Variants in PACS2 observed in about 807,000 individuals in gnomAD.
PACS2 encodes phosphofurin acidic cluster sorting protein 2, also known as PACS1-like protein.
PACS2 carries 36 observed loss-of-function variants against 113.0 expected under a neutral mutation model. The ratio of observed to expected loss-of-function variants is 0.32; its 90% CI spans 0.24 to 0.42. The LOEUF is 0.42. Ranked by LOEUF, PACS2 falls within the 10% of genes least tolerant of loss-of-function variation. The pLI is 1.00. For synonymous variants in PACS2, 589 were observed against 536.1 expected (o/e 1.10, Z -1.36); for missense variants, 1,015 against 1,239.5 (o/e 0.82, Z 2.72).
intron 1 of PACS2, among the ~76,000 whole-genome samples, chr14:105,308,626 G>C (rs779058754): frequency 3.3e-5 from 5 of 151,714 alleles, no homozygotes; most frequent in African/African-American, 1.2e-4. Flanking sequence ...GGGATTACAG[G>C]TATGAGCCAC....
At chr14:105,310,111 C>G (rs1480780837), upstream of PACS2, among the ~76,000 whole-genome samples, 1 of 151,432 alleles carries the variant, frequency 6.6e-6, no homozygotes, top group African/African-American at 2.4e-5. Context: ...ATTTACAATT[C>G]GTGATAGTAG....
At chr14:105,384,689 A>C (rs2081113154) in intron 17 of PACS2, among the ~76,000 whole-genome samples, 190 bp from the exon 18 acceptor site, 1 of 152,286 alleles carries the variant, frequency 6.6e-6, no homozygotes, top group African/African-American at 2.4e-5. Context: ...ACAGCCCTTC[A>C]GGTCTTCCCA....
chr14:105,350,499 C>T (rs1370829642), intron 2 of PACS2, among the ~76,000 whole-genome samples: 5 of 152,304 alleles, frequency 3.3e-5, no homozygotes, highest in Middle Eastern at 3.4e-3. Flanking sequence ...CTCTGTGTAG[C>T]GCATGGACTG....
chr14:105,391,329 C>T (rs2081348034), intron 21 of PACS2, 80 bp downstream of exon 21: 1 of 1,084,496 alleles, frequency 9.2e-7, no homozygotes, highest in South Asian at 1.2e-5. Flanking sequence ...TCCTGCAGAC[C>T]AGATCAACCT....
chr14:105,352,714 GC>G (rs1159394074), intron 3 of PACS2, among the ~76,000 whole-genome samples: 9 of 127,548 alleles, frequency 7.1e-5, no homozygotes, highest in South Asian at 2.6e-4. Flanking sequence ...GGGGTGACGG[GC>G]CCCCCCATCA....
At chr14:105,361,633 G>A (rs1300384302) in intron 4 of PACS2, among the ~76,000 whole-genome samples, 5 of 150,842 alleles carry the variant, frequency 3.3e-5, no homozygotes, top group East Asian at 2.0e-4. Flanking sequence ...GTGAGACTCC[G>A]TCTCAAAACA....
At chr14:105,308,481 CTTTT>C (rs1227708197) in intron 1 of PACS2, among the ~76,000 whole-genome samples, 2 of 124,576 alleles carry the variant, frequency 1.6e-5, no homozygotes, top group Admixed American at 8.1e-5. Context: ...CAGATTCTGT[CTTTT>C]TTTTTTTTTT....
Position 105,355,344 on chromosome 14 carries a change from G to A in PACS2, c.423+167G>A, listed in dbSNP as rs1251444668. 6.6e-6 allele frequency among the ~76,000 whole-genome samples: 1 copy of A among 152,252 alleles called. No homozygotes were observed. The highest frequency in any genetic ancestry group is 2.4e-5 in the African/African-American group (1 of 41,466). Reference sequence around the variant, plus strand: ...GGCTCCGCCATAAGGGCCAGGTGCGGCCCCAGGTGGTGCTTCCTCTCTGAC... The same window carrying A: ...GGCTCCGCCATAAGGGCCAGGTGCGACCCCAGGTGGTGCTTCCTCTCTGAC... On this transcript the variant is annotated intron_variant, in intron 4 of 24. Transcript: ENST00000447393. The surrounding 1 kb of genome is among the most constrained non-coding windows in gnomAD (Gnocchi z 4.1).
At chr14:105,385,216 T>C (rs1368691391) in intron 18 of PACS2, among the ~76,000 whole-genome samples, 2 of 152,202 alleles carry the variant, frequency 1.3e-5, no homozygotes, top group African/African-American at 2.4e-5. Flanking sequence ...TTTCTGTGCA[T>C]GTTGAAACCC....
chr14:105,305,438 C>T (rs1371507791), intron 1 of PACS2, among the ~76,000 whole-genome samples: 4 of 152,054 alleles, frequency 2.6e-5, no homozygotes, highest in Non-Finnish European at 5.9e-5. Context: ...AAAAACGTGG[C>T]TGGAGGGAGC....
intron 1 of PACS2, among the ~76,000 whole-genome samples, chr14:105,301,937 G>A (rs1199602872): frequency 2.6e-5 from 4 of 152,186 alleles, no homozygotes; most frequent in African/African-American, 9.7e-5. Flanking sequence ...AGGAGTTCGA[G>A]ACCAGCCTGG....
rs954985361 is a variant in PACS2 at position 105,336,859 on chromosome 14, G to A, written c.120-11634G>A. Among the ~76,000 whole-genome samples the A allele has an allele frequency of 4.6e-5, 7 of 152,214 alleles. No homozygotes were observed. In the East Asian group the frequency reaches 7.7e-4, roughly 17 times the overall value. ...AGACAGAGTTACCGTCAGAGTTACT[G>A]TGTGAGCTAGCAGTTGCACTTCTCA... On this transcript the variant is annotated intron_variant, in intron 1 of 24. Transcript: ENST00000447393.
chr14:105,328,720 C>T (rs587712332), intron 1 of PACS2, among the ~76,000 whole-genome samples: 10 of 152,284 alleles, frequency 6.6e-5, no homozygotes, highest in South Asian at 2.1e-4. Context: ...ACAGTGGCAG[C>T]GGCGTCATTA....
At chr14:105,349,560 G>C (rs1790069469) in intron 2 of PACS2, among the ~76,000 whole-genome samples, 1 of 152,256 alleles carries the variant, frequency 6.6e-6, no homozygotes, top group African/African-American at 2.4e-5. Context: ...CCTGAGCCTC[G>C]GCCAGTGTGG....
chr14:105,343,808 G>C (rs781906435), intron 1 of PACS2, among the ~76,000 whole-genome samples: 2 of 151,494 alleles, frequency 1.3e-5, no homozygotes, highest in Non-Finnish European at 2.9e-5. Context: ...CAATTCCCCT[G>C]CCTCAGCCTT....
chr14:105,351,348 G>T (rs1466982210), intron 2 of PACS2, among the ~76,000 whole-genome samples: 1 of 152,242 alleles, frequency 6.6e-6, no homozygotes, highest in Non-Finnish European at 1.5e-5. Context: ...CCATTTAGCA[G>T]GTGCGTGTGA....
intron 1 of PACS2, among the ~76,000 whole-genome samples, chr14:105,331,697 C>T (rs1371456977): frequency 1.3e-5 from 2 of 152,236 alleles, no homozygotes; most frequent in Non-Finnish European, 2.9e-5. Context: ...AACCCTCCCA[C>T]CCTCCAAAGG....
In PACS2 at chr14:105,395,072, T is replaced by C. The variant is rs371906063; in HGVS notation, c.*400T>C. The C allele has an allele frequency of 3.5e-4, 79 of 223,204 alleles. No individual in the cohort carries two copies. The highest frequency in any genetic ancestry group is 1.7e-3 in the African/African-American group (75 of 44,032). The allele number at this position is 223,204 out of a possible 1,614,324, so 13.8% of individuals were successfully genotyped here. On this transcript the variant is annotated 3_prime_UTR_variant, in exon 25 of 25. Coordinates refer to ENST00000447393, the MANE Select transcript of PACS2 (RefSeq NM_001100913.3). The stretch of plus-strand genomic sequence containing the variant: ...CTCAGTGGCCACAGGCCGAGGGCCA[T>C]GGGGCCGCTCAGTCCCGTTGGGGTT...
chr14:105,391,492 T>G, intron 21 of PACS2, 139 bp from the exon 22 acceptor site: 6 of 763,054 alleles, frequency 7.9e-6, no homozygotes, highest in Non-Finnish European at 1.0e-5. Flanking sequence ...CCCTCCCGTC[T>G]CTCACAGGCC....
Sources: gnomAD v4.1 joint callset for allele counts (sites outside exome capture counted in the v4.1 genomes callset) on GRCh38, gnomAD v4.1.1 for gene constraint, Gnocchi (gnomAD v3.1) non-coding constraint, MANE v1.5 for transcripts, NCBI Gene and HGNC (gene_info 2026-07-23, HGNC 2026-07-21) for gene names.